The following SUSD1 variants were observed in gnomAD, a reference collection of about 807,000 sequenced individuals.
The protein encoded by SUSD1 is sushi domain containing 1.
In SUSD1, 65 loss-of-function variants were observed where a neutral mutation model predicts 86.9. The ratio of observed to expected loss-of-function variants is 0.75; its 90% CI spans 0.61 to 0.92. The LOEUF (loss-of-function observed/expected upper bound fraction) is 0.92, where lower values mean the gene tolerates loss of function less well. SUSD1 is among the 40% of genes least tolerant of loss of function. SUSD1 has a pLI of 0.00. For missense variants in SUSD1, 850 were observed against 929.7 expected, an observed-to-expected ratio of 0.91 and a Z score of 1.11; for synonymous variants, 346 against 350.0, an observed-to-expected ratio of 0.99 and a Z score of 0.13.
chr9:112,165,874 A>G (rs796861726), intron 1 of SUSD1, among the ~76,000 whole-genome samples: 19 of 138,330 alleles, frequency 1.4e-4, no homozygotes, highest in Admixed American at 4.5e-4. Flanking sequence ...AGGAAGGAAG[A>G]AAGAGAAAGA....
At chr9:112,132,398 T>G (rs543125416) in intron 5 of SUSD1, among the ~76,000 whole-genome samples, 4 of 152,354 alleles carry the variant, frequency 2.6e-5, no homozygotes, top group Non-Finnish European at 4.4e-5. Flanking sequence ...AAGTGTTATA[T>G]GTAAAGCTTT....
intron 8 of SUSD1, among the ~76,000 whole-genome samples, chr9:112,105,981 C>T (rs180860394): frequency 3.3e-4 from 50 of 152,008 alleles, no homozygotes; most frequent in African/African-American, 1.1e-3. Flanking sequence ...TTGCTTACAT[C>T]GAATTTTTTA....
At chr9:112,155,394 A>G (rs961203799) in intron 2 of SUSD1, among the ~76,000 whole-genome samples, 1 of 152,134 alleles carries the variant, frequency 6.6e-6, no homozygotes, top group African/African-American at 2.4e-5. Flanking sequence ...GAGGGTGAGA[A>G]GCATTAGGAG....
intron 15 of SUSD1, among the ~76,000 whole-genome samples, chr9:112,045,785 G>C (rs762966536): frequency 6.6e-5 from 10 of 152,170 alleles, no homozygotes; most frequent in Non-Finnish European, 1.3e-4. Flanking sequence ...GTTTATTGAA[G>C]ATCATTTGCA....
chr9:112,088,381 C>G (rs2131582809), intron 10 of SUSD1, among the ~76,000 whole-genome samples: 1 of 152,154 alleles, frequency 6.6e-6, no homozygotes, highest in Middle Eastern at 3.4e-3. Context: ...AATAATGCAA[C>G]TGAAAAACTG....
In SUSD1 at chr9:112,086,556, AAGAAAG is replaced by A. The variant is rs1261941622; in HGVS notation, c.1475-6397_1475-6392del. Among the ~76,000 whole-genome samples the A allele has an allele frequency of 8.5e-4, 112 of 131,424 alleles. 1 individual carries two copies. Among genetic ancestry groups the A allele is most frequent in the Non-Finnish European group, 1.3e-3 (79 of 60,764 alleles). 86.2% of individuals were successfully genotyped at this position (131,424 alleles called of 152,430 possible). ...AGAGAAAAAAAGAAAGAAAGAAAGA[AAGAAAG>A]AGAGAGAGAGAGAGAGAGAGAGATC... On this transcript the variant is annotated intron_variant, in intron 10 of 16. Coordinates refer to ENST00000374270, the MANE Select transcript of SUSD1 (RefSeq NM_022486.5).
intron 2 of SUSD1, among the ~76,000 whole-genome samples, chr9:112,156,649 G>A (rs1833340607): frequency 6.6e-6 from 1 of 151,958 alleles, no homozygotes; most frequent in Admixed American, 6.6e-5. Flanking sequence ...GGCCTCAAGT[G>A]ATCCTCCCAC....
chr9:112,142,313 A>G lies in SUSD1; in HGVS notation c.706+7T>C, dbSNP rs1832610229. 4 of 1,536,674 alleles carry G rather than the reference A, an allele frequency of 2.6e-6. No homozygotes were observed. The East Asian group carries it at 7.1e-5, about 27-fold the overall frequency. On this transcript the variant is annotated splice_region_variant and intron_variant, in intron 5 of 16. Transcript: ENST00000374270. ...GAATTGGGAACCTGTATTTTTTGAA[A>G]ACTCACCTTGGCAATGTAATTTTGG...
At chr9:112,125,947 C>G (rs980057005) in intron 5 of SUSD1, among the ~76,000 whole-genome samples, 1 of 152,218 alleles carries the variant, frequency 6.6e-6, no homozygotes, top group African/African-American at 2.4e-5. Context: ...CTGTCTATCT[C>G]TCATGTCCCA....
At position 112,080,547 on chromosome 9, in the gene SUSD1, G is replaced by A. The variant is rs531818123; in HGVS notation, c.1475-382C>T. ...TACTAAAAATACAAAAACTAGCTGG[G>A]CGTGGTGGTGTGTGCCTGTAGTCCC... On this transcript the variant is annotated intron_variant, in intron 10 of 16. Coordinates refer to ENST00000374270, the MANE Select transcript of SUSD1 (RefSeq NM_022486.5). 1.3e-3 allele frequency among the ~76,000 whole-genome samples: 201 copies of A among 152,196 alleles called. 1 individual carries two copies. The highest frequency in any genetic ancestry group is 4.6e-3 in the African/African-American group (191 of 41,538).
intron 1 of SUSD1, among the ~76,000 whole-genome samples, chr9:112,164,557 A>G (rs1190940998): frequency 6.6e-6 from 1 of 152,078 alleles, no homozygotes; most frequent in Non-Finnish European, 1.5e-5. Context: ...AAAAAAAAAA[A>G]AGAGAAAACT....
intron 15 of SUSD1, among the ~76,000 whole-genome samples, chr9:112,050,335 T>C (rs1828135489): frequency 6.6e-6 from 1 of 152,168 alleles, no homozygotes; most frequent in Non-Finnish European, 1.5e-5. Context: ...TAACCCGCCT[T>C]GCACCCTGCT....
At chr9:112,052,243 C>T (rs774449025) in intron 15 of SUSD1, 156 bp downstream of exon 15, 16 of 1,540,412 alleles carry the variant, frequency 1.0e-5, no homozygotes, top group African/African-American at 1.4e-5. Flanking sequence ...ACTCACCCTC[C>T]TCCCATTTTT....
At chr9:112,055,518 C>T (rs1038464590) in intron 14 of SUSD1, among the ~76,000 whole-genome samples, 2 of 152,108 alleles carry the variant, frequency 1.3e-5, no homozygotes, top group South Asian at 4.1e-4. Flanking sequence ...TAAGTGTTAG[C>T]AGGGACATGG....
At chr9:112,155,487 T>C (rs1833257973) in intron 2 of SUSD1, among the ~76,000 whole-genome samples, 1 of 152,132 alleles carries the variant, frequency 6.6e-6, no homozygotes. Context: ...AAAGAAGGCT[T>C]CACTCCAGCC....
At chr9:112,069,717 C>A (rs1829173547) in intron 12 of SUSD1, among the ~76,000 whole-genome samples, 1 of 134,130 alleles carries the variant, frequency 7.5e-6, no homozygotes, top group Admixed American at 7.5e-5. Flanking sequence ...CTCTTTACTC[C>A]AAGAGTAATA....
intron 10 of SUSD1, among the ~76,000 whole-genome samples, chr9:112,090,420 T>C (rs1589639904): frequency 6.6e-6 from 1 of 152,200 alleles, no homozygotes; most frequent in African/African-American, 2.4e-5. Context: ...ATTTGATGGA[T>C]TCTACCAAAT....
In SUSD1 at chr9:112,100,810, C is replaced by T. The variant is rs181366058; in HGVS notation, c.1281+1366G>A. Among the ~76,000 whole-genome samples, 613 of 146,460 alleles carry T rather than the reference C, an allele frequency of 4.2e-3. 4 individuals carry two copies. The highest frequency in any genetic ancestry group is 0.026 in the Middle Eastern group (7 of 270). Reference sequence around the variant, plus strand: ...TCATGCCACTGTACTCCAGCCTGGACGACAGAGCAAGACTCCATCTCAAAA... The same window carrying T: ...TCATGCCACTGTACTCCAGCCTGGATGACAGAGCAAGACTCCATCTCAAAA... On this transcript the variant is annotated intron_variant, in intron 9 of 16. Coordinates refer to ENST00000374270, the MANE Select transcript of SUSD1 (RefSeq NM_022486.5).
At chr9:112,064,050 G>T (rs1421839137) in intron 12 of SUSD1, among the ~76,000 whole-genome samples, 2 of 143,312 alleles carry the variant, frequency 1.4e-5, no homozygotes, top group Non-Finnish European at 3.1e-5. Context: ...TTTTTTTGGG[G>T]GGGGGGCGGG....
Sources: gnomAD v4.1 joint callset for allele counts (sites outside exome capture counted in the v4.1 genomes callset) on GRCh38, gnomAD v4.1.1 for gene constraint, MANE v1.5 for transcripts, NCBI Gene and HGNC (gene_info 2026-07-23, HGNC 2026-07-21) for gene names.